Variants in DYNC1I1 observed in about 807,000 individuals in gnomAD.
DYNC1I1 encodes cytoplasmic dynein 1 intermediate chain 1.
In DYNC1I1, 43 loss-of-function variants were observed where a neutral mutation model predicts 86.6. The observed-to-expected ratio is 0.50, with a 90% CI of 0.39 to 0.64. DYNC1I1 has a LOEUF of 0.64. Ranked by LOEUF, DYNC1I1 falls within the 30% of genes least tolerant of loss-of-function variation. The pLI, the probability that DYNC1I1 is intolerant of heterozygous loss-of-function variation, is 0.00. For missense variants in DYNC1I1, 604 were observed against 788.8 expected, an observed-to-expected ratio of 0.77 and a Z score of 2.81; for synonymous variants, 262 against 283.7, an observed-to-expected ratio of 0.92 and a Z score of 0.77.
intron 2 of DYNC1I1, among the ~76,000 whole-genome samples, chr7:95,805,518 A>G (rs1794682024): frequency 6.6e-6 from 1 of 152,164 alleles, no homozygotes; most frequent in Non-Finnish European, 1.5e-5. Context: ...CTTTATGCCA[A>G]CAAAGCAGCA....
intron 3 of DYNC1I1, among the ~76,000 whole-genome samples, chr7:95,811,136 A>G (rs762331970): frequency 6.6e-5 from 10 of 152,244 alleles, no homozygotes; most frequent in Admixed American, 3.3e-4. Flanking sequence ...TTATCACTAA[A>G]GCTTGGATAT....
chr7:95,820,466 T>C (rs1037927163), intron 4 of DYNC1I1, among the ~76,000 whole-genome samples: 2 of 152,218 alleles, frequency 1.3e-5, no homozygotes, highest in African/African-American at 4.8e-5. Flanking sequence ...GCTTACATAA[T>C]CCCAAACTGT....
intron 1 of DYNC1I1, among the ~76,000 whole-genome samples, chr7:95,790,908 A>C (rs1252311057): frequency 6.6e-6 from 1 of 152,220 alleles, no homozygotes; most frequent in Non-Finnish European, 1.5e-5. Context: ...TTTTCCACTC[A>C]TCATGACCCC....
At chr7:96,074,380 T>C (rs1168258285) in intron 14 of DYNC1I1, among the ~76,000 whole-genome samples, 1 of 151,906 alleles carries the variant, frequency 6.6e-6, no homozygotes, top group Non-Finnish European at 1.5e-5. Flanking sequence ...AAACCCCATC[T>C]CTACTAAAAA....
intron 13 of DYNC1I1, among the ~76,000 whole-genome samples, chr7:96,037,618 C>T (rs1436107880): frequency 1.3e-5 from 2 of 150,918 alleles, no homozygotes; most frequent in Non-Finnish European, 2.9e-5. Flanking sequence ...CTATAGAATA[C>T]ATTCATTGAT....
intron 6 of DYNC1I1, among the ~76,000 whole-genome samples, chr7:95,874,311 T>C (rs1245004829): frequency 6.6e-6 from 1 of 152,254 alleles, no homozygotes; most frequent in Non-Finnish European, 1.5e-5. Context: ...CCCACGTGAC[T>C]ATCTCCTGAT....
chr7:95,957,767 C>T (rs182146861), intron 6 of DYNC1I1, among the ~76,000 whole-genome samples: 11 of 152,320 alleles, frequency 7.2e-5, no homozygotes, highest in Admixed American at 7.2e-4. Flanking sequence ...AGAAAGGACA[C>T]ACCCGGGAGT....
At chr7:95,994,355 A>T (rs888909118) in intron 9 of DYNC1I1, among the ~76,000 whole-genome samples, 2 of 152,192 alleles carry the variant, frequency 1.3e-5, no homozygotes, top group Admixed American at 1.3e-4. Flanking sequence ...GCATTTGACA[A>T]GGGCTTTAAT....
intron 14 of DYNC1I1, among the ~76,000 whole-genome samples, chr7:96,050,932 T>G (rs1192174938): frequency 1.3e-5 from 2 of 152,218 alleles, no homozygotes; most frequent in African/African-American, 4.8e-5. Flanking sequence ...TAAATTCTGT[T>G]GAGTACCAAC....
At chr7:96,108,969 G>A (rs1440904767) in intron 16 of DYNC1I1, among the ~76,000 whole-genome samples, 1 of 151,722 alleles carries the variant, frequency 6.6e-6, no homozygotes, top group Non-Finnish European at 1.5e-5. Flanking sequence ...ATCTTTCAAG[G>A]AATCTATTTC....
At chr7:95,873,842 C>T (rs1312443534) in intron 6 of DYNC1I1, among the ~76,000 whole-genome samples, 1 of 152,218 alleles carries the variant, frequency 6.6e-6, no homozygotes, top group Non-Finnish European at 1.5e-5. Context: ...CATTCAATTT[C>T]CCATTATTTC....
At chr7:95,969,618 T>C (rs985043100) in intron 6 of DYNC1I1, among the ~76,000 whole-genome samples, 3 of 152,238 alleles carry the variant, frequency 2.0e-5, no homozygotes, top group Non-Finnish European at 2.9e-5. Flanking sequence ...ACATATTTAC[T>C]ATGCATATAT....
At chr7:96,060,612 T>G (rs932936474) in intron 14 of DYNC1I1, among the ~76,000 whole-genome samples, 1 of 152,158 alleles carries the variant, frequency 6.6e-6, no homozygotes, top group African/African-American at 2.4e-5. Flanking sequence ...GTGTGAACCC[T>G]GATGTGAACT....
intron 16 of DYNC1I1, among the ~76,000 whole-genome samples, chr7:96,085,929 G>T (rs1790665749): frequency 6.7e-6 from 1 of 150,160 alleles, no homozygotes; most frequent in African/African-American, 2.4e-5. Flanking sequence ...AGCTATTGTT[G>T]GATTTTTTTT....
intron 15 of DYNC1I1, among the ~76,000 whole-genome samples, chr7:96,080,021 A>T (rs1224938985): frequency 6.6e-6 from 1 of 152,124 alleles, no homozygotes; most frequent in Non-Finnish European, 1.5e-5. Context: ...ATAAACTATG[A>T]CCCTATGGGG....
chr7:96,014,510 CT>C (rs1316537047), intron 10 of DYNC1I1, among the ~76,000 whole-genome samples: 1 of 152,182 alleles, frequency 6.6e-6, no homozygotes, highest in South Asian at 2.1e-4. Flanking sequence ...TGTTAGTTCT[CT>C]TGCTATATTA....
chr7:95,990,039 G>A (rs1230409491), intron 9 of DYNC1I1, among the ~76,000 whole-genome samples: 5 of 152,038 alleles, frequency 3.3e-5, no homozygotes, highest in African/African-American at 1.2e-4. Context: ...AGAACTGAGA[G>A]GAGAAAAAGA....
At chr7:95,869,652 A>G (rs1376215579) in intron 5 of DYNC1I1, among the ~76,000 whole-genome samples, 1 of 152,192 alleles carries the variant, frequency 6.6e-6, no homozygotes, top group Non-Finnish European at 1.5e-5. Flanking sequence ...ACAGATAGGA[A>G]AGCTGAGGGT....
At chr7:96,041,905 T>C (rs1345756386) in intron 14 of DYNC1I1, among the ~76,000 whole-genome samples, 1 of 152,100 alleles carries the variant, frequency 6.6e-6, no homozygotes, top group Non-Finnish European at 1.5e-5. Flanking sequence ...TACATAGTTA[T>C]AAAAGAAAAT....
Sources: gnomAD v4.1 joint callset for allele counts (sites outside exome capture counted in the v4.1 genomes callset) on GRCh38, gnomAD v4.1.1 for gene constraint, MANE v1.5 for transcripts, NCBI Gene and HGNC (gene_info 2026-07-23, HGNC 2026-07-21) for gene names.